The following PTPRJ variants were observed in gnomAD, a reference collection of about 807,000 sequenced individuals.
The protein encoded by PTPRJ is receptor-type tyrosine-protein phosphatase eta.
PTPRJ carries 129 observed loss-of-function variants against 141.3 expected under a neutral mutation model. The ratio of observed to expected loss-of-function variants is 0.91; its 90% CI spans 0.79 to 1.06. PTPRJ has a LOEUF of 1.06. PTPRJ is among the 50% of genes least tolerant of loss of function. The probability of loss-of-function intolerance (pLI) is 0.00; values close to 1 mark genes in which losing one functional copy is unlikely to be tolerated. For synonymous variants in PTPRJ, 610 were observed against 640.5 expected (o/e 0.95, Z 0.72); for missense variants, 1,601 against 1,679.7 (o/e 0.95, Z 0.82).
At chr11:48,013,096 T>G in intron 1 of PTPRJ, among the ~76,000 whole-genome samples, 1 of 103,418 alleles carries the variant, frequency 9.7e-6, no homozygotes, top group East Asian at 2.8e-4. Flanking sequence ...AGAGTGAGAC[T>G]CTGTGTCAAA....
rs117306978 is a variant in PTPRJ at position 48,132,060 on chromosome 11, G to A, written c.1615+1344G>A. 87 of 757,228 alleles carry A rather than the reference G, an allele frequency of 1.1e-4. 1 individual carries two copies. In the East Asian group the frequency reaches 8.7e-3, roughly 75 times the overall value. The allele number at this position is 757,228 out of a possible 1,614,324, so 46.9% of individuals were successfully genotyped here. A position where few individuals can be genotyped will look rare whatever the true frequency, so the allele number is the denominator to read the frequency against. ...CTATGTAAATACAAATTCTCTGAGAGCCTTAATAACTTTTAAGATGGTAAA... is the reference window on the plus strand; with the variant it reads ...CTATGTAAATACAAATTCTCTGAGAACCTTAATAACTTTTAAGATGGTAAA... On this transcript the variant is annotated intron_variant, in intron 8 of 24. Coordinates refer to ENST00000418331, the MANE Select transcript of PTPRJ (RefSeq NM_002843.4).
intron 1 of PTPRJ, among the ~76,000 whole-genome samples, chr11:48,058,854 C>T (rs573673995): frequency 7.9e-5 from 12 of 152,338 alleles, no homozygotes; most frequent in East Asian, 1.9e-4. Context: ...AAGGCCTGTA[C>T]GATCTGCCCC....
chr11:48,159,122 G>GGGGTGTGTGTCTGTGTGT (rs368150087), intron 21 of PTPRJ, among the ~76,000 whole-genome samples: 1 of 5,300 alleles, frequency 1.9e-4, no homozygotes, highest in Non-Finnish European at 1.3e-3. Context: ...GTGTATGTGG[G>GGGGTGTGTGTCTGTGTGT]GTGTGTGTGT....
chr11:48,061,646 A>G (rs546437955), intron 1 of PTPRJ, among the ~76,000 whole-genome samples: 2 of 151,914 alleles, frequency 1.3e-5, no homozygotes, highest in South Asian at 4.2e-4. Flanking sequence ...TGCTCTCACC[A>G]CCTCTCTGTT....
chr11:48,070,432 C>T (rs1163809877), intron 1 of PTPRJ, among the ~76,000 whole-genome samples: 2 of 144,096 alleles, frequency 1.4e-5, no homozygotes, highest in African/African-American at 5.2e-5. Flanking sequence ...ACGCAGGAGG[C>T]GGAGGTTGCA....
Position 48,155,843 on chromosome 11 carries a change from C to T in PTPRJ, c.3272C>T (p.Thr1091Met), listed in dbSNP as rs151078858. 806 of 1,609,294 alleles carry T rather than the reference C, an allele frequency of 5.0e-4. 1 individual carries two copies. The highest frequency in any genetic ancestry group is 6.1e-4 in the Non-Finnish European group (720 of 1,175,714). ...AAACTTTCGGTCCAGACCCATTCAA[C>T]GGATGACTACATCAATGCCAACTAC... ...RVKLSVQTHS[T>M]DDYINANYMP... The change falls in exon 20 of 25, where the codon ACG becomes ATG. Residue 1091 changes from threonine (T) to methionine (M), a missense_variant. Transcript: ENST00000418331.
intron 1 of PTPRJ, among the ~76,000 whole-genome samples, chr11:48,097,991 C>T (rs1013400329): frequency 6.6e-6 from 1 of 152,152 alleles, no homozygotes; most frequent in African/African-American, 2.4e-5. Flanking sequence ...AGTTTCAGAT[C>T]CAGGTGTTCT....
chr11:48,105,545 G>C (rs1856267061), intron 1 of PTPRJ, among the ~76,000 whole-genome samples: 1 of 152,198 alleles, frequency 6.6e-6, no homozygotes, highest in African/African-American at 2.4e-5. Flanking sequence ...GGACAACTCA[G>C]ATATGGGGTC....
intron 1 of PTPRJ, among the ~76,000 whole-genome samples, chr11:47,998,819 C>T (rs1854411299): frequency 6.6e-6 from 1 of 152,104 alleles, no homozygotes. Flanking sequence ...AATAATCTGT[C>T]TCAGGCCCTA....
intron 8 of PTPRJ, chr11:48,132,223 A>G: frequency 1.0e-6 from 1 of 985,442 alleles, no homozygotes; most frequent in East Asian, 1.1e-4. Context: ...TAGTTCTAGA[A>G]GGCTAATTGA....
At chr11:48,006,276 G>T (rs1017790602) in intron 1 of PTPRJ, among the ~76,000 whole-genome samples, 12 of 152,102 alleles carry the variant, frequency 7.9e-5, no homozygotes, top group Non-Finnish European at 1.5e-4. Flanking sequence ...GGTGATTCGG[G>T]AGGAAGAGTG....
intron 1 of PTPRJ, among the ~76,000 whole-genome samples, chr11:48,015,039 T>C (rs1351560325): frequency 6.6e-6 from 1 of 152,060 alleles, no homozygotes; most frequent in African/African-American, 2.4e-5. Flanking sequence ...GTAACTGAGC[T>C]CTAGGGGTCA....
At chr11:48,015,910 A>ATC (rs1854940099) in intron 1 of PTPRJ, 1 of 151,896 alleles carries the variant, frequency 6.6e-6, no homozygotes, top group Non-Finnish European at 1.5e-5. Context: ...CTTGCATAAG[A>ATC]TCCCCCAGCT....
intron 1 of PTPRJ, among the ~76,000 whole-genome samples, chr11:48,085,478 G>A (rs545885113): frequency 2.2e-4 from 33 of 152,200 alleles, no homozygotes; most frequent in African/African-American, 7.7e-4. Context: ...CTGAGTAGCT[G>A]GGATTACAGG....
intron 1 of PTPRJ, among the ~76,000 whole-genome samples, chr11:48,106,370 T>C (rs947302076): frequency 1.3e-5 from 2 of 152,220 alleles, no homozygotes; most frequent in Non-Finnish European, 2.9e-5. Context: ...GGAAATGGCC[T>C]GAGTGTTTCT....
At chr11:48,036,264 C>G (rs916092562) in intron 1 of PTPRJ, among the ~76,000 whole-genome samples, 1 of 152,356 alleles carries the variant, frequency 6.6e-6, no homozygotes, top group Admixed American at 6.5e-5. Flanking sequence ...GCATTCCCAG[C>G]ACAGCCTCCA....
chr11:48,160,028 C>G lies in PTPRJ; in HGVS notation c.3537C>G (p.Ile1179Met). ...TSEIVLPEWTIRDFTVKNIQT... is the reference protein window; with the variant it reads ...TSEIVLPEWTMRDFTVKNIQT... ...AAATTGTTCTTCCGGAATGGACCAT[C>G]AGAGATTTCACAGTGAAAAATGTAA... Residue 1179 changes from isoleucine to methionine, a missense_variant, in exon 22 of 25, where the codon ATC (isoleucine) becomes ATG (methionine). Ile to Met is a conservative substitution (Grantham distance 10). Coordinates refer to ENST00000418331, the MANE Select transcript of PTPRJ (RefSeq NM_002843.4). 1 of 1,613,906 alleles carries G rather than the reference C, an allele frequency of 6.2e-7. No individual in the cohort carries two copies. Among genetic ancestry groups the G allele is most frequent in the Non-Finnish European group, 8.5e-7 (1 of 1,179,846 alleles).
rs1025535599 is a variant in PTPRJ, at chr11:48,169,493, T to A, written c.*2131T>A. The A allele has an allele frequency of 6.6e-6, 1 of 151,932 alleles. No homozygotes were observed. Among genetic ancestry groups the A allele is most frequent in the Admixed American group, 6.6e-5 (1 of 15,242 alleles). The allele number at this position is 151,932 out of a possible 1,614,324, so 9.4% of individuals were successfully genotyped here. On this transcript the variant is annotated 3_prime_UTR_variant, in exon 25 of 25. Coordinates refer to ENST00000418331, the MANE Select transcript of PTPRJ (RefSeq NM_002843.4). ...TCCCACACCTTCACACTGGCCTGCC[T>A]CCAACTCATACAGATCTCGGAGCGG...
chr11:47,984,569 T>G (rs192721023), intron 1 of PTPRJ, among the ~76,000 whole-genome samples: 27 of 152,266 alleles, frequency 1.8e-4, no homozygotes, highest in East Asian at 1.3e-3. Context: ...TTGTTTGTTT[T>G]TTTTTTTGAT....
Sources: allele counts gnomAD v4.1 joint callset (sites outside exome capture counted in the v4.1 genomes callset), GRCh38; gene constraint gnomAD v4.1.1; transcripts MANE v1.5; gene names NCBI Gene and HGNC (gene_info 2026-07-23, HGNC 2026-07-21).